Variants in MFSD12 observed in about 807,000 individuals in gnomAD.
The protein encoded by MFSD12 is major facilitator superfamily domain containing 12.
A neutral mutation model predicts 51.2 loss-of-function variants in MFSD12; 67 were observed. The observed-to-expected ratio is 1.31, with a 90% CI of 1.08 to 1.60. The LOEUF is 1.60. Ranked by LOEUF, MFSD12 falls within the 40% of genes most tolerant of loss-of-function variation. The pLI is 0.00. For synonymous variants in MFSD12, 441 were observed against 316.7 expected (o/e 1.39, Z -4.17); for missense variants, 921 against 673.0 (o/e 1.37, Z -4.08).
intron 2 of MFSD12, among the ~76,000 whole-genome samples, chr19:3,549,661 T>G (rs2031352768): frequency 3.4e-5 from 5 of 148,580 alleles, no homozygotes; most frequent in Admixed American, 2.7e-4. Flanking sequence ...AGGCAGAGGT[T>G]GCAGTGAGCC....
exon 5 of MFSD12, chr19:3,538,457 C>T (rs1240003149): frequency 2.5e-5 from 8 of 318,498 alleles, no homozygotes; most frequent in Middle Eastern, 1.1e-3. Context: ...TCCCCCTCCC[C>T]AGTCCCGGCA....
intron 2 of MFSD12, 89 bp downstream of exon 2, chr19:3,550,895 G>A: frequency 9.0e-7 from 1 of 1,108,732 alleles, no homozygotes; most frequent in Non-Finnish European, 1.3e-6. Context: ...GAGCTGCCGA[G>A]TCTGTGGCCG....
Position 3,551,268 on chromosome 19 carries a change from G to T in MFSD12, c.299-74C>A. 1 of 1,223,316 alleles carries T rather than the reference G, an allele frequency of 8.2e-7. No individual in the cohort carries two copies. Among genetic ancestry groups the T allele is most frequent in the Non-Finnish European group, 1.1e-6 (1 of 884,824 alleles). The allele number at this position is 1,223,316 out of a possible 1,614,324, so 75.8% of individuals were successfully genotyped here. ...GGCTCCCAGGGTGAGGACATGGAGG[G>T]AGGAGAGAGGGAAACTGAGGCACAG... On this transcript the variant is annotated intron_variant, in intron 1 of 9. Transcript: ENST00000355415. The surrounding 1 kb of genome is among the most constrained non-coding windows in gnomAD (Gnocchi z 4.6).
At chr19:3,542,998 T>C, downstream of MFSD12, 1 of 1,594,224 alleles carries the variant, frequency 6.3e-7, no homozygotes, top group South Asian at 1.1e-5. Flanking sequence ...AAAGGTTTAG[T>C]GCTGACTTGG....
In MFSD12 at chr19:3,551,974, C is replaced by T. The variant is rs937226285; in HGVS notation, c.299-780G>A. ...CTCTCTCACATCTTAGCAAGACTGGCTCCTTTTCACCTCTGGGCTCAACGG... is the reference window on the plus strand; with the variant it reads ...CTCTCTCACATCTTAGCAAGACTGGTTCCTTTTCACCTCTGGGCTCAACGG... On this transcript the variant is annotated intron_variant, in intron 1 of 9. Transcript: ENST00000355415. This position sits in a 1 kb window ranked among gnomAD's most constrained non-coding sequence, Gnocchi z 4.6. Among the ~76,000 whole-genome samples, 37 of 152,214 alleles carry T rather than the reference C, an allele frequency of 2.4e-4. No homozygotes were observed. Among genetic ancestry groups the T allele is most frequent in the African/African-American group, 8.9e-4 (37 of 41,526 alleles).
At chr19:3,544,159 C>A, downstream of MFSD12, 1 of 1,388,938 alleles carries the variant, frequency 7.2e-7, no homozygotes, top group Non-Finnish European at 9.4e-7. Flanking sequence ...CCCAGGCTAC[C>A]CCTGCCCAGA....
downstream of MFSD12, chr19:3,539,511 A>G (rs190046114): frequency 9.1e-4 from 461 of 504,858 alleles, no homozygotes; most frequent in Middle Eastern, 2.1e-3. Flanking sequence ...CTGCAAACGC[A>G]CTGGGAGCTT....
chr19:3,539,862 T>G (rs572961616), downstream of MFSD12: 2 of 152,552 alleles, frequency 1.3e-5, no homozygotes, highest in African/African-American at 4.8e-5. Context: ...CCCGATACAG[T>G]GTCTATTATC....
At chr19:3,555,659 G>A (rs894023500) in intron 1 of MFSD12, among the ~76,000 whole-genome samples, 5 of 152,084 alleles carry the variant, frequency 3.3e-5, no homozygotes, top group Admixed American at 2.0e-4. Flanking sequence ...ACTGCCTCTT[G>A]CAAAAAATGT....
downstream of MFSD12, chr19:3,543,990 C>A (rs1009333434): frequency 7.8e-6 from 12 of 1,544,492 alleles, no homozygotes; most frequent in African/African-American, 2.7e-5. Context: ...CCCGCCTTCC[C>A]TCACACCCAC....
intron 8 of MFSD12, 147 bp from the exon 9 acceptor site, chr19:3,545,086 C>G: frequency 9.2e-7 from 1 of 1,089,868 alleles, no homozygotes; most frequent in East Asian, 2.6e-5. Context: ...TCCCTCCTGT[C>G]CCACACCCAA....
At chr19:3,545,340 A>G (rs1450969074) in intron 8 of MFSD12, among the ~76,000 whole-genome samples, 7 of 152,088 alleles carry the variant, frequency 4.6e-5, no homozygotes, top group Admixed American at 4.6e-4. Context: ...CACTGTCCTC[A>G]GGGTCAAATC....
Position 3,544,723 on chromosome 19 carries a change from T to G in MFSD12, c.1430A>C (p.Asp477Ala), listed in dbSNP as rs1384752332. ...GGCTGTCAGGAGTCAGGGCCGGGCA[T>G]CACGGTCCCCTGCAAGGGAGGGGTG... is the stretch of plus-strand genomic sequence containing the variant. ...WPTRLRRWDR[D>A]ARP is the part of the protein sequence containing the mutation. Residue 477 changes from aspartate (D) to alanine (A), a missense_variant, in exon 10 of 10, where the codon GAT becomes GCT. By Grantham distance (126) the Asp-to-Ala change is moderately radical. Coordinates refer to ENST00000355415, the MANE Select transcript of MFSD12 (RefSeq NM_174983.5). 6.4e-7 allele frequency: 1 copy of G among 1,565,464 alleles called. No homozygotes were observed. Among genetic ancestry groups the G allele is most frequent in the East Asian group, 2.4e-5 (1 of 41,496 alleles).
intron 1 of MFSD12, among the ~76,000 whole-genome samples, chr19:3,556,162 G>T (rs547370611): frequency 6.6e-6 from 1 of 152,358 alleles, no homozygotes; most frequent in East Asian, 1.9e-4. Flanking sequence ...AACTGCTGAC[G>T]CACCAGGTTG....
intron 1 of MFSD12, among the ~76,000 whole-genome samples, chr19:3,554,458 A>C (rs1045975820): frequency 2.9e-5 from 4 of 139,918 alleles, no homozygotes; most frequent in African/African-American, 1.0e-4. Flanking sequence ...AACAAAAAAA[A>C]AAAAAAAAGA....
At position 3,546,334 on chromosome 19, in the gene MFSD12, G is replaced by A. The variant is rs1276374165; in HGVS notation, c.1115C>T (p.Ala372Val). ...EGLGVAVYAA[A>V]VLLGAGCATI... ...GGCACAGCCAGCACCCAGCAGCACAGCCGCTGCGTACACGGCCACACCCAG... is the reference window on the plus strand; with the variant it reads ...GGCACAGCCAGCACCCAGCAGCACAACCGCTGCGTACACGGCCACACCCAG... Residue 372 changes from alanine to valine, a missense_variant, in exon 7 of 10, where the codon GCT becomes GTT. Transcript: ENST00000355415. 1.2e-6 allele frequency: 2 copies of A among 1,608,184 alleles called. No homozygotes were observed. Among genetic ancestry groups the A allele is most frequent in the African/African-American group, 1.3e-5 (1 of 75,034 alleles).
At position 3,551,914 on chromosome 19, in the gene MFSD12, C is replaced by G. The variant is rs376430893; in HGVS notation, c.299-720G>C. 2.0e-3 allele frequency among the ~76,000 whole-genome samples: 302 copies of G among 152,268 alleles called. 3 individuals are homozygous for G. Among genetic ancestry groups the G allele is most frequent in the African/African-American group, 6.8e-3 (282 of 41,570 alleles). ...TCAACATGCCAGGCGGTCCTGCCCC[C>G]GGGCCTTTGCATGGGCGTGCCTCTG... On this transcript the variant is annotated intron_variant, in intron 1 of 9. Coordinates refer to ENST00000355415, the MANE Select transcript of MFSD12 (RefSeq NM_174983.5). The surrounding 1 kb of genome is among the most constrained non-coding windows in gnomAD (Gnocchi z 4.6).
At chr19:3,553,627 G>A (rs997059260) in intron 1 of MFSD12, among the ~76,000 whole-genome samples, 1 of 150,582 alleles carries the variant, frequency 6.6e-6, no homozygotes, top group African/African-American at 2.5e-5. Flanking sequence ...AAAATTAGCC[G>A]GGCGTGGCGG....
Position 3,544,935 on chromosome 19 carries a change from C to T in MFSD12, c.1294G>A (p.Glu432Lys), listed in dbSNP as rs775684663. The T allele has an allele frequency of 1.2e-6, 2 of 1,607,636 alleles. No individual in the cohort carries two copies. The highest frequency in any genetic ancestry group is 2.2e-5 in the South Asian group (2 of 90,620). ...AIQSLHPCPSELCCRACVSFY... is the reference protein window; with the variant it reads ...AIQSLHPCPSKLCCRACVSFY... ...CTCACGCAGGCCCTGCAGCAGAGCTCTGAGCTGTGGGAGGAGGCGGGGGAT... is the reference window on the plus strand; with the variant it reads ...CTCACGCAGGCCCTGCAGCAGAGCTTTGAGCTGTGGGAGGAGGCGGGGGAT... Residue 432 changes from glutamate to lysine, a missense_variant, in exon 9 of 10, where the codon GAG becomes AAG. By Grantham distance (56) the Glu-to-Lys change is moderately conservative (BLOSUM62 1). Transcript: ENST00000355415.
Sources: gnomAD v4.1 joint callset for allele counts (sites outside exome capture counted in the v4.1 genomes callset) on GRCh38, gnomAD v4.1.1 for gene constraint, Gnocchi (gnomAD v3.1) non-coding constraint, MANE v1.5 for transcripts, NCBI Gene and HGNC (gene_info 2026-07-23, HGNC 2026-07-21) for gene names.